ACSF3: variants seen among roughly 807,000 people sequenced by gnomAD.
ACSF3 encodes the protein malonate--CoA ligase ACSF3, mitochondrial.
Under a neutral mutation model 53.2 loss-of-function variants are expected in ACSF3, and 78 were observed. The observed-to-expected ratio is 1.47, with a 90% CI of 1.22 to 1.77. ACSF3 has a LOEUF of 1.77. Ranked by LOEUF, ACSF3 falls within the 40% of genes most tolerant of loss-of-function variation. ACSF3 has a pLI of 0.00. For missense variants in ACSF3, 937 were observed against 771.1 expected, an observed-to-expected ratio of 1.22 and a Z score of -2.55; for synonymous variants, 414 against 333.1, an observed-to-expected ratio of 1.24 and a Z score of -2.65.
chr16:89,140,263 C>G (rs556117144), intron 8 of ACSF3, among the ~76,000 whole-genome samples: 2 of 152,386 alleles, frequency 1.3e-5, no homozygotes, highest in East Asian at 3.9e-4. Flanking sequence ...CAGCCACCTC[C>G]CCTGGCCAGG....
At position 89,154,517 on chromosome 16, in the gene ACSF3, C is replaced by T; in HGVS notation, c.*310C>T. 2 of 545,938 alleles carry T rather than the reference C, an allele frequency of 3.7e-6. No individual in the cohort carries two copies. The allele number at this position is 545,938 out of a possible 1,614,324, so 33.8% of individuals were successfully genotyped here. On this transcript the variant is annotated 3_prime_UTR_variant, in exon 11 of 11. Coordinates refer to ENST00000614302, the MANE Select transcript of ACSF3 (RefSeq NM_001243279.3). ...GCACCTCCCGCCCCACAGTGCCCTG[C>T]AGTTGCCAGGCTCTCCAGGGCAGGT... is the stretch of plus-strand genomic sequence containing the variant.
intron 6 of ACSF3, 194 bp downstream of exon 6, chr16:89,114,681 C>G: frequency 1.3e-6 from 1 of 784,904 alleles, no homozygotes; most frequent in Non-Finnish European, 2.1e-6. Context: ...AGCCTTCTCC[C>G]AAGTCTCAGT....
chr16:89,104,585 A>T (rs1774342282), intron 4 of ACSF3, among the ~76,000 whole-genome samples: 1 of 152,176 alleles, frequency 6.6e-6, no homozygotes, highest in African/African-American at 2.4e-5. Flanking sequence ...GGGTCCCTGC[A>T]AGCAGTCAGC....
intron 4 of ACSF3, among the ~76,000 whole-genome samples, chr16:89,108,687 G>T (rs541729726): frequency 2.0e-5 from 3 of 152,136 alleles, no homozygotes; most frequent in Non-Finnish European, 4.4e-5. Flanking sequence ...ATGGTTCTGA[G>T]TTTCATCCAT....
chr16:89,142,956 G>C (rs1462406887), intron 8 of ACSF3, among the ~76,000 whole-genome samples: 1 of 152,214 alleles, frequency 6.6e-6, no homozygotes, highest in Non-Finnish European at 1.5e-5. Flanking sequence ...TCTTTAACAA[G>C]TTATTGCGCG....
chr16:89,147,094 G>A (rs924870555), intron 10 of ACSF3, among the ~76,000 whole-genome samples: 1 of 151,174 alleles, frequency 6.6e-6, no homozygotes, highest in Non-Finnish European at 1.5e-5. Flanking sequence ...AAGGCAAAGG[G>A]GAAACAGGCA....
intron 7 of ACSF3, among the ~76,000 whole-genome samples, chr16:89,125,126 C>A (rs911587900): frequency 2.0e-5 from 3 of 152,080 alleles, no homozygotes; most frequent in Non-Finnish European, 4.4e-5. Context: ...GGCAGATCAC[C>A]TGAGGTCAGG....
chr16:89,129,192 T>C (rs12448838), intron 7 of ACSF3, among the ~76,000 whole-genome samples: 1 of 152,158 alleles, frequency 6.6e-6, no homozygotes, highest in African/African-American at 2.4e-5. Flanking sequence ...GTTGTTCAGT[T>C]CTTCTATATC....
rs777732492 is a variant in ACSF3 at position 89,112,043 on chromosome 16, G to T, written c.823-49G>T. ...CTGGAGCCAGGAGCCTCCGCCACGG[G>T]CCCCAGTGCCTGCTCATCTTCCTAC... is the stretch of plus-strand genomic sequence containing the variant. On this transcript the variant is annotated intron_variant, in intron 4 of 10. Transcript: ENST00000614302. 5 of 1,584,390 alleles carry T rather than the reference G, an allele frequency of 3.2e-6. No homozygotes were observed. The African/African-American group carries it at 4.0e-5, about 13-fold the overall frequency.
chr16:89,103,448 C>T (rs938158480), intron 4 of ACSF3, among the ~76,000 whole-genome samples: 4 of 152,250 alleles, frequency 2.6e-5, no homozygotes, highest in Admixed American at 1.3e-4. Flanking sequence ...CCAGCTGCTT[C>T]ACGTCCAGCT....
chr16:89,154,126 G>A lies in ACSF3; in HGVS notation c.1650G>A (p.Leu550=), dbSNP rs1597281839. ...CCCCGTACGCGGTGCCCTCGGAGCTGGTGCTGGTGGAGGAGATCCCGCGGA... is the reference window on the plus strand; with the variant it reads ...CCCCGTACGCGGTGCCCTCGGAGCTAGTGCTGGTGGAGGAGATCCCGCGGA... ...VLAPYAVPSE[L]VLVEEIPRNQ... The change falls in exon 11 of 11, where the codon CTG becomes CTA. Residue 550 remains leucine, a synonymous_variant. Coordinates refer to ENST00000614302, the MANE Select transcript of ACSF3 (RefSeq NM_001243279.3). The A allele has an allele frequency of 6.2e-7, 1 of 1,613,380 alleles. No individual in the cohort carries two copies. The highest frequency in any genetic ancestry group is 8.5e-7 in the Non-Finnish European group (1 of 1,179,758).
chr16:89,144,095 GCA>G (rs751070770), intron 8 of ACSF3, among the ~76,000 whole-genome samples: 32 of 152,362 alleles, frequency 2.1e-4, no homozygotes, highest in Non-Finnish European at 3.5e-4. Flanking sequence ...CCTCCCAGCT[GCA>G]CACACGCTCG....
rs373476048 is a variant in ACSF3 at position 89,100,932 on chromosome 16, G to A, written c.251G>A (p.Arg84Lys). Reference protein sequence around the residue: ...RSLRLSQEICRLCGCVGGDLR... With the variant: ...RSLRLSQEICKLCGCVGGDLR... ...CTTCGCCTGTCCCAGGAGATCTGCA[G>A]GCTCTGCGGGTGTGTCGGCGGGGAC... Residue 84 changes from arginine to lysine, a missense_variant, in exon 3 of 11, where the codon AGG becomes AAG. Physicochemically the swap from Arg to Lys is conservative, Grantham distance 26. Transcript: ENST00000614302. 2.4e-5 allele frequency: 39 copies of A among 1,613,880 alleles called. No homozygotes were observed. In the South Asian group the frequency reaches 2.7e-4, roughly 11 times the overall value.
intron 3 of ACSF3, among the ~76,000 whole-genome samples, chr16:89,102,005 G>C (rs1472576879): frequency 1.3e-5 from 2 of 152,224 alleles, no homozygotes; most frequent in Non-Finnish European, 2.9e-5. Context: ...CTCTGTCCTT[G>C]CTGAGGGGAG....
intron 4 of ACSF3, among the ~76,000 whole-genome samples, chr16:89,104,486 G>C (rs1432219441): frequency 6.6e-6 from 1 of 152,198 alleles, no homozygotes; most frequent in Non-Finnish European, 1.5e-5. Flanking sequence ...AAGTCTTTCT[G>C]GCCCCATCGA....
intron 1 of ACSF3, among the ~76,000 whole-genome samples, chr16:89,097,764 A>C (rs1244676331): frequency 1.4e-5 from 1 of 72,482 alleles, no homozygotes; most frequent in Non-Finnish European, 3.8e-5. Flanking sequence ...CTGCCTCTGA[A>C]CAGCTGTGGA....
chr16:89,127,266 C>G (rs1172778464), intron 7 of ACSF3, among the ~76,000 whole-genome samples: 1 of 151,220 alleles, frequency 6.6e-6, no homozygotes, highest in Non-Finnish European at 1.5e-5. Context: ...CTTTTTTTTT[C>G]TGGAAGAGAT....
At chr16:89,138,988 G>A (rs1204015519) in intron 8 of ACSF3, among the ~76,000 whole-genome samples, 1 of 152,176 alleles carries the variant, frequency 6.6e-6, no homozygotes, top group African/African-American at 2.4e-5. Flanking sequence ...CTTCTGTGCG[G>A]TCCCCGCATC....
intron 8 of ACSF3, among the ~76,000 whole-genome samples, chr16:89,134,903 C>T (rs775573859): frequency 7.9e-5 from 12 of 152,114 alleles, no homozygotes; most frequent in Non-Finnish European, 8.8e-5. Context: ...GGATAGTGGA[C>T]GTATGTCCAT....
Sources: gnomAD v4.1 joint callset for allele counts (sites outside exome capture counted in the v4.1 genomes callset) on GRCh38, gnomAD v4.1.1 for gene constraint, MANE v1.5 for transcripts, NCBI Gene and HGNC (gene_info 2026-07-23, HGNC 2026-07-21) for gene names.